The following ZNRF3 variants were observed in gnomAD, a reference collection of about 807,000 sequenced individuals.
ZNRF3 encodes zinc and ring finger 3.
A neutral mutation model predicts 72.5 loss-of-function variants in ZNRF3; 23 were observed. That is an observed-to-expected ratio of 0.32 (90% CI 0.23 to 0.45). The LOEUF is 0.45. Ranked by LOEUF, ZNRF3 falls within the 20% of genes least tolerant of loss-of-function variation. ZNRF3 has a pLI of 1.00. For missense variants in ZNRF3, 1,169 were observed against 1,272.1 expected (o/e 0.92, Z 1.23); for synonymous variants, 610 against 545.3 (o/e 1.12, Z -1.65).
intron 2 of ZNRF3, among the ~76,000 whole-genome samples, chr22:28,987,843 C>G (rs1314685278): frequency 6.6e-6 from 1 of 151,848 alleles, no homozygotes; most frequent in Non-Finnish European, 1.5e-5. Context: ...TGGCAGACAG[C>G]AATTATGGTC....
At chr22:28,976,536 AT>A (rs545561343) in intron 1 of ZNRF3, among the ~76,000 whole-genome samples, 148 of 151,982 alleles carry the variant, frequency 9.7e-4, no homozygotes, top group African/African-American at 3.3e-3. Context: ...TAGCTTTGGA[AT>A]TTTTTTTCAC....
intron 1 of ZNRF3, among the ~76,000 whole-genome samples, chr22:28,926,385 G>A (rs1601565916): frequency 6.6e-6 from 1 of 151,518 alleles, no homozygotes; most frequent in South Asian, 2.1e-4. Context: ...GTCTCTCTAT[G>A]TTACCTAGGC....
chr22:28,984,133 A>T (rs548107665), intron 1 of ZNRF3, among the ~76,000 whole-genome samples: 2,727 of 88,358 alleles, frequency 0.031, 51 homozygotes, highest in African/African-American at 0.057. Flanking sequence ...TTTTTTTTTA[A>T]AAAAAACCTT....
intron 2 of ZNRF3, chr22:29,018,214 G>T: frequency 3.1e-6 from 1 of 322,990 alleles, no homozygotes; most frequent in Non-Finnish European, 6.3e-6. Context: ...ACTGGAAAAA[G>T]ATTGGAGACA....
At chr22:29,040,832 T>TG (rs2123879913) in intron 2 of ZNRF3, among the ~76,000 whole-genome samples, 1 of 152,302 alleles carries the variant, frequency 6.6e-6, no homozygotes, top group Non-Finnish European at 1.5e-5. Flanking sequence ...TACAAGGAAT[T>TG]GGTTTGTTGT....
At position 28,933,778 on chromosome 22, in the gene ZNRF3, T is replaced by TCCCC. The variant is rs1401397230; in HGVS notation, c.300+49713_300+49716dup. 1.6e-4 allele frequency among the ~76,000 whole-genome samples: 17 copies of TCCCC among 107,354 alleles called. No homozygotes were observed. In the South Asian group the frequency reaches 4.4e-3, roughly 28 times the overall value. The allele number at this position is 107,354 out of a possible 152,430, so 70.4% of individuals were successfully genotyped here. A position where few individuals can be genotyped will look rare whatever the true frequency, so the allele number is the denominator to read the frequency against. On this transcript the variant is annotated intron_variant, in intron 1 of 8. Transcript: ENST00000544604. ...CTCTCTCTCTCTCTCTCTCTCTCTCTCCCCTCCCTCCTCCCTCCTCCCCCT... is the reference window on the plus strand; with the variant it reads ...CTCTCTCTCTCTCTCTCTCTCTCTCTCCCCCCCCTCCCTCCTCCCTCCTCCCCCT...
Position 29,049,945 on chromosome 22 carries a change from C to T in ZNRF3, c.1764C>T (p.Ser588=), listed in dbSNP as rs759785372. ...GVYGSCSTFR[S]SLSSDYDPFI... ...ACGGGAGCTGCTCCACCTTCCGCAGCTCCCTCAGCAGCGACTATGACCCCT... is the reference window on the plus strand; with the variant it reads ...ACGGGAGCTGCTCCACCTTCCGCAGTTCCCTCAGCAGCGACTATGACCCCT... Residue 588 remains serine, a synonymous_variant, in exon 8 of 9, where the codon AGC becomes AGT. Transcript: ENST00000544604. The surrounding 1 kb of genome is among the most constrained non-coding windows in gnomAD (Gnocchi z 5.2). 23 of 1,610,972 alleles carry T rather than the reference C, an allele frequency of 1.4e-5. No individual in the cohort carries two copies. Among genetic ancestry groups the T allele is most frequent in the African/African-American group, 2.7e-5 (2 of 74,904 alleles).
chr22:28,962,939 T>C (rs961013087), intron 1 of ZNRF3, among the ~76,000 whole-genome samples: 1 of 152,096 alleles, frequency 6.6e-6, no homozygotes, highest in African/African-American at 2.4e-5. Flanking sequence ...GAACATCCTT[T>C]TGGAAAGACT....
Position 28,883,582 on chromosome 22 carries a change from C to A in ZNRF3, c.-185C>A. On this transcript the variant is annotated 5_prime_UTR_variant, in exon 1 of 9. Transcript: ENST00000544604. The surrounding 1 kb of genome is among the most constrained non-coding windows in gnomAD (Gnocchi z 5.5). ...CGCTGCCGGGGCGGGGATAACCCCT[C>A]ACGTGGAGCAGATGAAAGGGCCGCG... is the stretch of plus-strand genomic sequence containing the variant. The A allele has an allele frequency of 2.0e-6, 1 of 490,590 alleles. No individual in the cohort carries two copies. Among genetic ancestry groups the A allele is most frequent in the East Asian group, 1.5e-4 (1 of 6,504 alleles). 30.4% of individuals were successfully genotyped at this position (490,590 alleles called of 1,614,324 possible). A position where few individuals can be genotyped will look rare whatever the true frequency, so the allele number is the denominator to read the frequency against.
Position 29,032,852 on chromosome 22 carries a change from C to T in ZNRF3, c.427-9643C>T, listed in dbSNP as rs566014532. On this transcript the variant is annotated intron_variant, in intron 2 of 8. Transcript: ENST00000544604. Reference sequence around the variant, plus strand: ...AGGAGGCATTTTAAGTAAACAATGACAGTGTGATGTCATAAGTGCCACAGT... The same window carrying T: ...AGGAGGCATTTTAAGTAAACAATGATAGTGTGATGTCATAAGTGCCACAGT... Among the ~76,000 whole-genome samples the T allele has an allele frequency of 2.6e-5, 4 of 152,336 alleles. No homozygotes were observed. The East Asian group carries it at 5.8e-4, about 22-fold the overall frequency.
chr22:29,007,461 A>AC (rs1331314044), intron 2 of ZNRF3, among the ~76,000 whole-genome samples: 1 of 151,172 alleles, frequency 6.6e-6, no homozygotes, highest in African/African-American at 2.4e-5. Context: ...ACATGGCGAG[A>AC]CCCCCATCTC....
At chr22:28,887,268 G>A (rs185304236) in intron 1 of ZNRF3, among the ~76,000 whole-genome samples, 11 of 151,014 alleles carry the variant, frequency 7.3e-5, no homozygotes, top group African/African-American at 1.7e-4. Flanking sequence ...GTGTGTGTGT[G>A]TGTATACATA....
chr22:28,985,050 T>A (rs2035830893), intron 1 of ZNRF3, among the ~76,000 whole-genome samples: 1 of 152,198 alleles, frequency 6.6e-6, no homozygotes, highest in African/African-American at 2.4e-5. Context: ...CCTTATGAGC[T>A]TGTGCAACCC....
In ZNRF3 at chr22:29,056,886, T is replaced by C. The variant is rs2037309979; in HGVS notation, c.*3264T>C. The C allele has an allele frequency of 6.6e-6, 1 of 152,236 alleles. No homozygotes were observed. Among genetic ancestry groups the C allele is most frequent in the South Asian group, 2.1e-4 (1 of 4,832 alleles). The allele number at this position is 152,236 out of a possible 1,614,324, so 9.4% of individuals were successfully genotyped here. ...CCCTTCTGTCCCACTGCTCACATAC[T>C]TATGTGCTGCTAGTCTCTACTCGAA... is the stretch of plus-strand genomic sequence containing the variant. On this transcript the variant is annotated 3_prime_UTR_variant, in exon 9 of 9. Coordinates refer to ENST00000544604, the MANE Select transcript of ZNRF3 (RefSeq NM_001206998.2).
At chr22:28,906,820 A>T (rs930609055) in intron 1 of ZNRF3, among the ~76,000 whole-genome samples, 4 of 152,140 alleles carry the variant, frequency 2.6e-5, no homozygotes, top group Non-Finnish European at 5.9e-5. Context: ...ATATGTATTG[A>T]GTGCTTACCC....
At chr22:28,974,715 A>G (rs1276064398) in intron 1 of ZNRF3, among the ~76,000 whole-genome samples, 1 of 152,134 alleles carries the variant, frequency 6.6e-6, no homozygotes, top group Non-Finnish European at 1.5e-5. Flanking sequence ...GCCAGATCCT[A>G]GCTCACTGCA....
intron 1 of ZNRF3, among the ~76,000 whole-genome samples, chr22:28,948,885 A>G (rs1392192364): frequency 6.6e-6 from 1 of 152,188 alleles, no homozygotes; most frequent in Non-Finnish European, 1.5e-5. Flanking sequence ...CATCTCATGC[A>G]TTGGTCATTT....
At chr22:29,045,606 A>T (rs2037053901) in intron 5 of ZNRF3, among the ~76,000 whole-genome samples, 1 of 152,084 alleles carries the variant, frequency 6.6e-6, no homozygotes, top group Non-Finnish European at 1.5e-5. Context: ...CTCATGCCTT[A>T]GCCTCCCAAG....
At chr22:28,933,353 A>G (rs1170823239) in intron 1 of ZNRF3, among the ~76,000 whole-genome samples, 1 of 152,192 alleles carries the variant, frequency 6.6e-6, no homozygotes, top group African/African-American at 2.4e-5. Flanking sequence ...GGGATTTTTT[A>G]TAAAGAGCAT....
Sources: gnomAD v4.1 joint callset for allele counts (sites outside exome capture counted in the v4.1 genomes callset) on GRCh38, gnomAD v4.1.1 for gene constraint, Gnocchi (gnomAD v3.1) non-coding constraint, MANE v1.5 for transcripts, NCBI Gene and HGNC (gene_info 2026-07-23, HGNC 2026-07-21) for gene names.